RGS9: variants seen among roughly 807,000 people sequenced by gnomAD.
The protein encoded by RGS9 is regulator of G-protein signalling 9.
Under a neutral mutation model 102.0 loss-of-function variants are expected in RGS9, and 78 were observed. That is an observed-to-expected ratio of 0.76 (90% CI 0.64 to 0.92). RGS9 has a LOEUF of 0.92. Ranked by LOEUF, RGS9 falls within the 40% of genes least tolerant of loss-of-function variation. The pLI is 0.00. For synonymous variants in RGS9, 353 were observed against 318.6 expected (o/e 1.11, Z -1.15); for missense variants, 833 against 866.1 (o/e 0.96, Z 0.48).
intron 13 of RGS9, among the ~76,000 whole-genome samples, chr17:65,201,045 AGAGAG>A (rs1327674136): frequency 6.6e-6 from 1 of 152,072 alleles, no homozygotes; most frequent in Admixed American, 6.6e-5. Flanking sequence ...TACTGAGAAA[AGAGAG>A]GAGAGGATTT....
chr17:65,190,017 C>A lies in RGS9; in HGVS notation c.685-158C>A, dbSNP rs539626429. Among the ~76,000 whole-genome samples the A allele has an allele frequency of 1.6e-4, 24 of 152,120 alleles. 1 individual carries two copies. In the South Asian group the frequency reaches 5.0e-3, roughly 32 times the overall value. On this transcript the variant is annotated intron_variant, in intron 10 of 18. Coordinates refer to ENST00000262406, the MANE Select transcript of RGS9 (RefSeq NM_003835.4). ...TGATTTGAAGTCTGTGGTCATCTGT[C>A]CACTGTGGGCCTGACCCACTGGTAC...
At chr17:65,207,651 T>C (rs1913118473) in intron 15 of RGS9, among the ~76,000 whole-genome samples, 1 of 152,096 alleles carries the variant, frequency 6.6e-6, no homozygotes, top group Admixed American at 6.5e-5. Context: ...CCTGAGACTG[T>C]TCAGGCTCAG....
At chr17:65,206,774 T>C (rs756496416) in intron 15 of RGS9, among the ~76,000 whole-genome samples, 2 of 152,172 alleles carry the variant, frequency 1.3e-5, no homozygotes, top group Non-Finnish European at 2.9e-5. Context: ...AATGGAACAG[T>C]CATTGGTAAC....
chr17:65,218,478 C>T (rs1226593341), intron 17 of RGS9, among the ~76,000 whole-genome samples: 1 of 152,164 alleles, frequency 6.6e-6, no homozygotes, highest in East Asian at 1.9e-4. Context: ...TGAAGCCAGG[C>T]TTGAATGGTA....
At chr17:65,187,044 G>A (rs1912151556) in intron 9 of RGS9, among the ~76,000 whole-genome samples, 1 of 152,176 alleles carries the variant, frequency 6.6e-6, no homozygotes, top group Non-Finnish European at 1.5e-5. Flanking sequence ...GCCTTAGGTT[G>A]GAAGAGAATG....
Position 65,160,676 on chromosome 17 carries a change from T to C in RGS9, c.364+89T>C, listed in dbSNP as rs1038834046. ...CACTTTGGTGACATTTGTCTTGCTG[T>C]CATCATGACCTTTCTGTCAGTCCAC... On this transcript the variant is annotated intron_variant, in intron 5 of 18. Transcript: ENST00000262406. 5 of 1,491,966 alleles carry C rather than the reference T, an allele frequency of 3.4e-6. No homozygotes were observed. The African/African-American group carries it at 6.9e-5, about 21-fold the overall frequency. 92.4% of individuals were successfully genotyped at this position (1,491,966 alleles called of 1,614,324 possible).
chr17:65,192,298 G>A (rs920156830), intron 11 of RGS9, among the ~76,000 whole-genome samples: 4 of 152,146 alleles, frequency 2.6e-5, no homozygotes, highest in Admixed American at 2.0e-4. Flanking sequence ...GGGAAGGGGA[G>A]ATAGGGAAGT....
intron 9 of RGS9, 101 bp downstream of exon 9, chr17:65,177,904 C>G: frequency 1.1e-6 from 1 of 901,234 alleles, no homozygotes; most frequent in South Asian, 1.3e-5. Context: ...ACGATATCTC[C>G]TCTTTGAGAC....
chr17:65,216,941 G>A (rs1913543522), intron 17 of RGS9, among the ~76,000 whole-genome samples: 1 of 152,166 alleles, frequency 6.6e-6, no homozygotes, highest in African/African-American at 2.4e-5. Flanking sequence ...ATTGACTGTT[G>A]AAGATGTGAC....
intron 17 of RGS9, among the ~76,000 whole-genome samples, chr17:65,221,040 G>T (rs73994760): frequency 6.6e-6 from 1 of 152,178 alleles, no homozygotes; most frequent in South Asian, 2.1e-4. Flanking sequence ...CTCCATGGGA[G>T]GGACCAAGGT....
In RGS9 at chr17:65,207,864, G is replaced by T. The variant is rs1913127748; in HGVS notation, c.1204-58G>T. ...GAGGCTTGAAAATGGCAAGGGTATTGGTTTGATTTGACTGCTTTTTTCTCT... is the reference window on the plus strand; with the variant it reads ...GAGGCTTGAAAATGGCAAGGGTATTTGTTTGATTTGACTGCTTTTTTCTCT... On this transcript the variant is annotated intron_variant, in intron 15 of 18. Transcript: ENST00000262406. The T allele has an allele frequency of 2.4e-6, 3 of 1,247,376 alleles. No individual in the cohort carries two copies. The African/African-American group carries it at 4.5e-5, about 19-fold the overall frequency. The allele number at this position is 1,247,376 out of a possible 1,614,324, so 77.3% of individuals were successfully genotyped here. A position where few individuals can be genotyped will look rare whatever the true frequency, so the allele number is the denominator to read the frequency against.
At chr17:65,157,637 C>T (rs1192941491) in intron 2 of RGS9, among the ~76,000 whole-genome samples, 1 of 151,996 alleles carries the variant, frequency 6.6e-6, no homozygotes, top group Non-Finnish European at 1.5e-5. Flanking sequence ...GGCGAGAGTA[C>T]ACATGGAGCC....
chr17:65,192,170 A>G (rs955131213), intron 11 of RGS9, among the ~76,000 whole-genome samples: 1 of 152,246 alleles, frequency 6.6e-6, no homozygotes, highest in Non-Finnish European at 1.5e-5. Context: ...TAATTAGCAT[A>G]TCCATCATCT....
chr17:65,179,622 G>C (rs1911777938), intron 9 of RGS9, among the ~76,000 whole-genome samples: 1 of 148,864 alleles, frequency 6.7e-6, no homozygotes, highest in Non-Finnish European at 1.5e-5. Context: ...ACCCAAGCCA[G>C]GATACTGCTC....
chr17:65,226,741 T>A (rs763065203), intron 18 of RGS9, among the ~76,000 whole-genome samples: 5 of 152,044 alleles, frequency 3.3e-5, no homozygotes, highest in Non-Finnish European at 7.4e-5. Context: ...GCCTCCCAGG[T>A]AGCTGAAATC....
At chr17:65,226,002 C>G (rs1415338425) in intron 18 of RGS9, among the ~76,000 whole-genome samples, 4 of 152,158 alleles carry the variant, frequency 2.6e-5, no homozygotes, top group African/African-American at 7.2e-5. Context: ...TTTCAGGGAG[C>G]CTTGTTCTGG....
chr17:65,185,878 C>T (rs1912094122), intron 9 of RGS9, among the ~76,000 whole-genome samples: 3 of 152,190 alleles, frequency 2.0e-5, no homozygotes. Context: ...GGCAGAAAGT[C>T]CTGCAAATAC....
chr17:65,189,079 C>T (rs778970823), intron 9 of RGS9: 21 of 601,926 alleles, frequency 3.5e-5, no homozygotes, highest in African/African-American at 7.4e-5. Flanking sequence ...TACGCTCCTT[C>T]GCTTACAAAA....
chr17:65,159,183 C>T lies in RGS9; in HGVS notation c.205+838C>T, dbSNP rs146459257. On this transcript the variant is annotated intron_variant, in intron 3 of 18. Coordinates refer to ENST00000262406, the MANE Select transcript of RGS9 (RefSeq NM_003835.4). ...CCACTCCTGCCCGCCAGAGAACAAC[C>T]CCCCCTTTTTCCTTTACCTACCCAA... Among the ~76,000 whole-genome samples the T allele has an allele frequency of 9.5e-3, 1,414 of 148,864 alleles. 22 individuals carry two copies. The highest frequency in any genetic ancestry group is 0.033 in the African/African-American group (1,328 of 40,698).
Sources: gnomAD v4.1 joint callset for allele counts (sites outside exome capture counted in the v4.1 genomes callset) on GRCh38, gnomAD v4.1.1 for gene constraint, MANE v1.5 for transcripts, NCBI Gene and HGNC (gene_info 2026-07-23, HGNC 2026-07-21) for gene names.